The following F8 variants were observed in gnomAD, a reference collection of about 807,000 sequenced individuals.
F8 encodes the protein coagulation factor VIII, also known as antihemophilic factor.
A neutral mutation model predicts 140.6 loss-of-function variants in F8; 12 were observed. That is an observed-to-expected ratio of 0.09 (90% CI 0.05 to 0.14). The LOEUF is 0.14. F8 is among the 10% of genes least tolerant of loss of function. The probability of loss-of-function intolerance (pLI) is 1.00; values close to 1 mark genes in which losing one functional copy is unlikely to be tolerated. For missense variants in F8, 1,354 were observed against 1,720.7 expected (o/e 0.79, Z 3.77); for synonymous variants, 585 against 614.6 (o/e 0.95, Z 0.71).
intron 25 of F8, among the ~76,000 whole-genome samples, chrX:154,850,868 G>A (rs1557272112): frequency 8.9e-6 from 1 of 112,117 alleles, no homozygotes; most frequent in African/African-American, 3.2e-5. Flanking sequence ...TTATGGTAAT[G>A]TACATGTCTT....
chrX:154,992,431 T>C (rs1230757052), intron 4 of F8, among the ~76,000 whole-genome samples: 1 of 112,826 alleles, frequency 8.9e-6, no homozygotes, highest in African/African-American at 3.2e-5. Flanking sequence ...TATTTTAGAA[T>C]ATATTAATTC....
intron 13 of F8, 121 bp downstream of exon 13, chrX:154,947,577 C>T: frequency 1.7e-6 from 1 of 581,866 alleles, no homozygotes; most frequent in South Asian, 2.3e-5. Context: ...GAAACTAGAT[C>T]CCTGTACCTC....
chrX:154,890,921 C>T (rs782035794), intron 22 of F8, among the ~76,000 whole-genome samples: 1 of 112,554 alleles, frequency 8.9e-6, no homozygotes, highest in Non-Finnish European at 1.9e-5. Context: ...CATGCCAAAA[C>T]CTGGTAAGTA....
intron 25 of F8, among the ~76,000 whole-genome samples, chrX:154,841,989 T>C (rs1342358384): frequency 1.8e-5 from 2 of 111,983 alleles, no homozygotes; most frequent in Admixed American, 1.9e-4. Context: ...GTTAATATTA[T>C]TTCTCCTTTG....
chrX:154,929,625 A>T lies in F8; in HGVS notation c.4165T>A (p.Leu1389Ile). The T allele has an allele frequency of 2.5e-6, 3 of 1,210,878 alleles. No individual in the cohort carries two copies. The South Asian group carries it at 5.3e-5, about 21-fold the overall frequency. Residue 1389 changes from leucine (L) to isoleucine (I), a missense_variant, in exon 14 of 26, where the codon TTA (leucine) becomes ATA (isoleucine). By Grantham distance (5) the Leu-to-Ile change is conservative. Coordinates refer to ENST00000360256, the MANE Select transcript of F8 (RefSeq NM_000132.4). ...KEKGAITQSP[L>I]SDCLTRSHSI... ...TGACTCCTCGTAAGGCAATCTGATA[A>T]GGGAGACTGAGTAATGGCCCCTTTC...
chrX:154,874,890 T>A (rs1222401857), intron 22 of F8, among the ~76,000 whole-genome samples: 1 of 112,135 alleles, frequency 8.9e-6, no homozygotes, highest in Non-Finnish European at 1.9e-5. Context: ...GTTGAATATC[T>A]GCACTCCCAT....
At chrX:154,961,040 G>T in intron 10 of F8, 35 bp downstream of exon 10, 1 of 929,540 alleles carries the variant, frequency 1.1e-6, no homozygotes, top group South Asian at 2.0e-5. Flanking sequence ...TGTATCTACA[G>T]GTAAAAAAGA....
intron 14 of F8, among the ~76,000 whole-genome samples, chrX:154,924,091 G>C (rs1432770197): frequency 8.9e-6 from 1 of 112,496 alleles, no homozygotes; most frequent in Non-Finnish European, 1.9e-5. Context: ...GGCCTCCCCA[G>C]CCATGTGGAA....
At chrX:154,944,886 G>A (rs188853808) in intron 13 of F8, among the ~76,000 whole-genome samples, 271 of 110,704 alleles carry the variant, frequency 2.4e-3, no homozygotes, top group African/African-American at 8.2e-3. Flanking sequence ...GGATGAAATT[G>A]GAAATCATCA....
intron 9 of F8, among the ~76,000 whole-genome samples, chrX:154,962,224 A>G (rs1203916143): frequency 9.0e-6 from 1 of 111,446 alleles, no homozygotes; most frequent in Non-Finnish European, 1.9e-5. Context: ...CCAGCCTGCA[A>G]CCCTTTCCAC....
intron 3 of F8, 102 bp from the exon 4 acceptor site, chrX:154,993,250 C>A: frequency 3.0e-6 from 2 of 671,416 alleles, no homozygotes; most frequent in Admixed American, 2.8e-5. Context: ...AAGAAACGGA[C>A]TTTCTGCATC....
At chrX:154,934,501 T>G (rs781999913) in intron 13 of F8, among the ~76,000 whole-genome samples, 2 of 111,862 alleles carry the variant, frequency 1.8e-5, no homozygotes, top group South Asian at 3.8e-4. Flanking sequence ...GTGGTTTTAC[T>G]GGACTCCTTT....
At chrX:154,924,553 G>A (rs2073149666) in intron 14 of F8, among the ~76,000 whole-genome samples, 1 of 111,750 alleles carries the variant, frequency 8.9e-6, no homozygotes, top group African/African-American at 3.3e-5. Context: ...CTACCATTCT[G>A]GGGCCTGGAG....
rs1408530376 is a variant in F8 at position 155,019,097 on chromosome X, T to C, written c.143+3313A>G. On this transcript the variant is annotated intron_variant, in intron 1 of 25. Coordinates refer to ENST00000360256, the MANE Select transcript of F8 (RefSeq NM_000132.4). Reference sequence around the variant, plus strand: ...AGGGTATTTAGTGTCAGGACATCTATGAACATAATTTGTTCATCAGCATAT... The same window carrying C: ...AGGGTATTTAGTGTCAGGACATCTACGAACATAATTTGTTCATCAGCATAT... Among the ~76,000 whole-genome samples, 3 of 112,160 alleles carry C rather than the reference T, an allele frequency of 2.7e-5. No individual in the cohort carries two copies. In the East Asian group the frequency reaches 8.3e-4, roughly 31 times the overall value.
At chrX:154,913,829 G>A (rs1231101786) in intron 14 of F8, among the ~76,000 whole-genome samples, 1 of 112,722 alleles carries the variant, frequency 8.9e-6, no homozygotes, top group African/African-American at 3.2e-5. Flanking sequence ...TTGAGTGCCT[G>A]TGGCTTTTCC....
rs1557278324 is a variant in F8, at chrX:154,928,939, A to C, written c.4851T>G (p.Ile1617Met). 2 of 1,211,556 alleles carry C rather than the reference A, an allele frequency of 1.7e-6. No individual in the cohort carries two copies. The highest frequency in any genetic ancestry group is 2.2e-5 in the Admixed American group (1 of 46,013). The part of the protein sequence containing the change: ...EKTAFKKKDT[I>M]LSLNACESNH... ...TGCTTTCACAAGCGTTCAGGGACAA[A>C]ATGGTATCCTTTTTCTTAAAAGCTG... is the stretch of plus-strand genomic sequence containing the variant. Residue 1617 changes from isoleucine to methionine, a missense_variant, in exon 14 of 26, where the codon ATT becomes ATG. Physicochemically the swap from Ile to Met is conservative, Grantham distance 10. Transcript: ENST00000360256.
chrX:154,976,035 A>T (rs1269562018), intron 6 of F8, among the ~76,000 whole-genome samples: 1 of 110,937 alleles, frequency 9.0e-6, no homozygotes, highest in Non-Finnish European at 1.9e-5. Context: ...AGCTGGGACT[A>T]CAGGCGCCTG....
chrX:154,876,773 G>A (rs1398212313), intron 22 of F8, among the ~76,000 whole-genome samples: 1 of 111,078 alleles, frequency 9.0e-6, no homozygotes, highest in Non-Finnish European at 1.9e-5. Context: ...GTGGGATGGT[G>A]CAAAATCATT....
At chrX:154,866,027 A>G (rs1217337687) in intron 22 of F8, among the ~76,000 whole-genome samples, 1 of 111,455 alleles carries the variant, frequency 9.0e-6, no homozygotes, top group Non-Finnish European at 1.9e-5. Flanking sequence ...TTAAGGACAT[A>G]CATAGGCTGA....
Sources: gnomAD v4.1 joint callset for allele counts (sites outside exome capture counted in the v4.1 genomes callset) on GRCh38, gnomAD v4.1.1 for gene constraint, MANE v1.5 for transcripts, NCBI Gene and HGNC (gene_info 2026-07-23, HGNC 2026-07-21) for gene names.